The following DCBLD1 variants were observed in gnomAD, a reference collection of about 807,000 sequenced individuals.
DCBLD1 encodes the protein discoidin, CUB and LCCL domain-containing protein 1.
In DCBLD1, 57 loss-of-function variants were observed where a neutral mutation model predicts 71.5. The observed-to-expected ratio is 0.80, with a 90% CI of 0.64 to 0.99. DCBLD1 has a LOEUF of 0.99. Among genes scored for constraint, DCBLD1 ranks in the 50% least tolerant of loss-of-function variants. The pLI is 0.00. For synonymous variants in DCBLD1, 380 were observed against 363.8 expected (o/e 1.04, Z -0.51); for missense variants, 891 against 923.5 (o/e 0.96, Z 0.46).
intron 1 of DCBLD1, among the ~76,000 whole-genome samples, chr6:117,497,801 TAC>T (rs1306554475): frequency 6.6e-6 from 1 of 152,246 alleles, no homozygotes; most frequent in African/African-American, 2.4e-5. Context: ...CCTTTAGTGT[TAC>T]AAAGAATGTT....
chr6:117,558,859 C>CTGTT (rs1562132526), intron 14 of DCBLD1, among the ~76,000 whole-genome samples: 1 of 152,198 alleles, frequency 6.6e-6, no homozygotes, highest in Non-Finnish European at 1.5e-5. Flanking sequence ...AAAAATCCTA[C>CTGTT]TGTTTGTACA....
At chr6:117,565,941 G>C (rs1348498601) in intron 14 of DCBLD1, among the ~76,000 whole-genome samples, 1 of 152,158 alleles carries the variant, frequency 6.6e-6, no homozygotes, top group African/African-American at 2.4e-5. Flanking sequence ...AGTGCTTTAT[G>C]CATACTTCCC....
intron 1 of DCBLD1, among the ~76,000 whole-genome samples, chr6:117,487,232 C>A (rs1777120072): frequency 6.6e-6 from 1 of 151,904 alleles, no homozygotes; most frequent in Admixed American, 6.6e-5. Context: ...GAACAGTGGC[C>A]ATATTGGGAG....
At chr6:117,526,079 ATTG>A (rs1778538699) in intron 5 of DCBLD1, among the ~76,000 whole-genome samples, 2 of 152,212 alleles carry the variant, frequency 1.3e-5, no homozygotes, top group Non-Finnish European at 1.5e-5. Flanking sequence ...GCAAAAACCT[ATTG>A]TTGTGAAACT....
chr6:117,505,094 G>A (rs1365708475), intron 2 of DCBLD1, among the ~76,000 whole-genome samples: 2 of 152,168 alleles, frequency 1.3e-5, no homozygotes, highest in Non-Finnish European at 2.9e-5. Flanking sequence ...ATCCCTAGGA[G>A]CATTGATTGT....
Position 117,548,395 on chromosome 6 carries a change from T to G in DCBLD1, c.2104T>G (p.Cys702Gly), listed in dbSNP as rs1056340287. ...TGACAGCTATTCTGCCCCCAGAGAC[T>G]GCCTCACACCCCTCAACCAGACGGC... Reference protein sequence around the residue: ...TSDSYSAPRDCLTPLNQTAMT... With the variant: ...TSDSYSAPRDGLTPLNQTAMT... The change falls in exon 15 of 15, where the codon TGC becomes GGC. Residue 702 changes from cysteine (C) to glycine (G), a missense_variant. Transcript: ENST00000338728. 6.4e-6 allele frequency: 10 copies of G among 1,550,562 alleles called. No homozygotes were observed. The highest frequency in any genetic ancestry group is 2.0e-5 in the Admixed American group (1 of 50,984).
chr6:117,548,052 C>T lies in DCBLD1; in HGVS notation c.1761C>T (p.His587=). The change falls in exon 15 of 15, where the codon CAC becomes CAT. Residue 587 remains histidine (H), a synonymous_variant. Transcript: ENST00000338728. ...ACTGCCCGCAGCGGGCCGGCCGCCA[C>T]GAGTACGCGCTGCCCCTGGCGCCCC... is the stretch of plus-strand genomic sequence containing the variant. The part of the protein sequence containing the change: ...HYDCPQRAGR[H]EYALPLAPPE... 5 of 1,549,038 alleles carry T rather than the reference C, an allele frequency of 3.2e-6. No individual in the cohort carries two copies. The highest frequency in any genetic ancestry group is 4.4e-6 in the Non-Finnish European group (5 of 1,146,060).
At chr6:117,525,285 T>C in intron 4 of DCBLD1, 77 bp from the exon 5 acceptor site, 4 of 1,159,452 alleles carry the variant, frequency 3.4e-6, no homozygotes, top group South Asian at 2.9e-5. Context: ...GAAAATACTT[T>C]AAAAATTTAA....
At chr6:117,555,225 CA>C (rs1180872395) in intron 14 of DCBLD1, among the ~76,000 whole-genome samples, 3 of 152,158 alleles carry the variant, frequency 2.0e-5, no homozygotes, top group African/African-American at 7.2e-5. Context: ...TAGAATTGAA[CA>C]AAGTAGTCCA....
In DCBLD1 at chr6:117,482,869, C is replaced by A; in HGVS notation, c.88C>A (p.Leu30Ile). 1 of 1,191,916 alleles carries A rather than the reference C, an allele frequency of 8.4e-7. No homozygotes were observed. 73.8% of individuals were successfully genotyped at this position (1,191,916 alleles called of 1,614,324 possible). Residue 30 changes from leucine to isoleucine, a missense_variant, in exon 1 of 15, where the codon CTC becomes ATC. Coordinates refer to ENST00000338728, the MANE Select transcript of DCBLD1 (RefSeq NM_001366458.2). ...TTTGCTGCTCGCGGTCTCCGCCCCG[C>A]TCCGGCTGCAGGCGGAGGAGCTGGG... ...LALLLAVSAP[L>I]RLQAEELGDG...
At chr6:117,565,679 G>T (rs564049720) in intron 14 of DCBLD1, among the ~76,000 whole-genome samples, 1 of 152,104 alleles carries the variant, frequency 6.6e-6, no homozygotes, top group Non-Finnish European at 1.5e-5. Context: ...GGTGATCAAC[G>T]TATGTTTTAC....
At chr6:117,509,890 AAC>A (rs1288536449) in intron 2 of DCBLD1, among the ~76,000 whole-genome samples, 2 of 152,152 alleles carry the variant, frequency 1.3e-5, no homozygotes, top group African/African-American at 2.4e-5. Flanking sequence ...ATGAACAGAG[AAC>A]ACATATTCTC....
At chr6:117,560,040 C>T (rs1165020372) in intron 14 of DCBLD1, among the ~76,000 whole-genome samples, 1 of 152,184 alleles carries the variant, frequency 6.6e-6, no homozygotes, top group African/African-American at 2.4e-5. Context: ...TTACATATAA[C>T]TTAGGAACTT....
At chr6:117,536,849 G>A (rs1778899234) in intron 6 of DCBLD1, among the ~76,000 whole-genome samples, 1 of 152,034 alleles carries the variant, frequency 6.6e-6, no homozygotes, top group Non-Finnish European at 1.5e-5. Flanking sequence ...TTATTCCTGA[G>A]GCTGTATATC....
chr6:117,552,801 C>T (rs561963640), downstream of DCBLD1, among the ~76,000 whole-genome samples: 3 of 152,276 alleles, frequency 2.0e-5, no homozygotes, highest in Admixed American at 2.0e-4. Flanking sequence ...ACCTAATCTC[C>T]AGCAATTCTC....
At chr6:117,511,296 T>C (rs1026879090) in intron 2 of DCBLD1, among the ~76,000 whole-genome samples, 6 of 152,164 alleles carry the variant, frequency 3.9e-5, no homozygotes, top group African/African-American at 1.2e-4. Flanking sequence ...CCAGTATAAG[T>C]TGAAAGTTCA....
chr6:117,547,846 GCCACTGACAGGC>G, intron 14 of DCBLD1, 49 bp from the exon 15 acceptor site: 1 of 1,549,636 alleles, frequency 6.5e-7, no homozygotes, highest in South Asian at 1.2e-5. Context: ...ATCCCCGTCT[GCCACTGACAGGC>G]CGGCCCGTGT....
chr6:117,532,599 A>T (rs1227692791), intron 6 of DCBLD1, among the ~76,000 whole-genome samples: 1 of 152,252 alleles, frequency 6.6e-6, no homozygotes, highest in South Asian at 2.1e-4. Flanking sequence ...GGTTATGCTG[A>T]CATGTAAATT....
intron 14 of DCBLD1, chr6:117,561,138 T>C (rs1171270706): frequency 4.5e-6 from 1 of 224,188 alleles, no homozygotes; most frequent in Non-Finnish European, 8.9e-6. Flanking sequence ...AACTGACCTG[T>C]GGAGTTTTAA....
Sources: gnomAD v4.1 joint callset for allele counts (sites outside exome capture counted in the v4.1 genomes callset) on GRCh38, gnomAD v4.1.1 for gene constraint, MANE v1.5 for transcripts, NCBI Gene and HGNC (gene_info 2026-07-23, HGNC 2026-07-21) for gene names.